PCDHGB4: variants seen among roughly 807,000 people sequenced by gnomAD.
The protein encoded by PCDHGB4 is protocadherin gamma subfamily B, 4.
In PCDHGB4, 38 loss-of-function variants were observed where a neutral mutation model predicts 60.5. The ratio of observed to expected loss-of-function variants is 0.63; its 90% CI spans 0.48 to 0.82. PCDHGB4 has a LOEUF of 0.82. Among genes scored for constraint, PCDHGB4 ranks in the 40% least tolerant of loss-of-function variants. The pLI is 0.00. For missense variants in PCDHGB4, 1,109 were observed against 1,209.6 expected, an observed-to-expected ratio of 0.92 and a Z score of 1.23; for synonymous variants, 456 against 509.7, an observed-to-expected ratio of 0.89 and a Z score of 1.42.
In PCDHGB4 at chr5:141,477,772, C is replaced by G. The variant is rs760319541; in HGVS notation, c.2398-17035C>G. The G allele has an allele frequency of 1.5e-5, 25 of 1,613,908 alleles. No homozygotes were observed. Among genetic ancestry groups the G allele is most frequent in the Non-Finnish European group, 2.1e-5 (25 of 1,180,042 alleles). On this transcript the variant is annotated intron_variant, in intron 1 of 3. Coordinates refer to ENST00000519479, the MANE Select transcript of PCDHGB4 (RefSeq NM_003736.4). This position sits in a 1 kb window ranked among gnomAD's most constrained non-coding sequence, Gnocchi z 4.9. Reference sequence around the variant, plus strand: ...CCCCGGTCCTAGCCACCAACATCAGCGTGAACATATTTGTCACTGATCGCA... The same window carrying G: ...CCCCGGTCCTAGCCACCAACATCAGGGTGAACATATTTGTCACTGATCGCA...
At chr5:141,404,776 A>C in intron 1 of PCDHGB4, 1 of 1,613,070 alleles carries the variant, frequency 6.2e-7, no homozygotes, top group Non-Finnish European at 8.5e-7. Context: ...CCTACCGCCT[A>C]TTCAAGGCCA....
intron 1 of PCDHGB4, among the ~76,000 whole-genome samples, chr5:141,473,873 C>CA (rs1471085914): frequency 2.6e-5 from 4 of 152,130 alleles, no homozygotes; most frequent in African/African-American, 7.2e-5. Flanking sequence ...GTGGAGAATG[C>CA]ATACACAAGG....
rs747671382 is a variant in PCDHGB4 at position 141,444,152 on chromosome 5, A to ATTTTTT, written c.2398-50624_2398-50619dup. ...GATATGTGTCACTTGTGTGTACTGG[A>ATTTTTT]TTTTTTTTTTTTTTTTTTTTTTTTT... On this transcript the variant is annotated intron_variant, in intron 1 of 3. Coordinates refer to ENST00000519479, the MANE Select transcript of PCDHGB4 (RefSeq NM_003736.4). Among the ~76,000 whole-genome samples the ATTTTTT allele has an allele frequency of 3.5e-4, 12 of 33,898 alleles. 1 individual carries two copies. Among genetic ancestry groups the ATTTTTT allele is most frequent in the African/African-American group, 4.2e-4 (3 of 7,184 alleles). The allele number at this position is 33,898 out of a possible 152,430, so 22.2% of individuals were successfully genotyped here.
intron 1 of PCDHGB4, among the ~76,000 whole-genome samples, chr5:141,466,826 G>A (rs978548667): frequency 1.2e-4 from 18 of 152,056 alleles, no homozygotes; most frequent in Admixed American, 8.5e-4. Flanking sequence ...TAACAAGTTA[G>A]TATGGGTTTA....
chr5:141,486,166 G>A lies in PCDHGB4; in HGVS notation c.2398-8641G>A. ...GCGATGGGGGTTCTCCAGCCATGGA[G>A]CAACATTGCAGCCTTCGAGTGGATC... On this transcript the variant is annotated intron_variant, in intron 1 of 3. Coordinates refer to ENST00000519479, the MANE Select transcript of PCDHGB4 (RefSeq NM_003736.4). The surrounding 1 kb of genome is among the most constrained non-coding windows in gnomAD (Gnocchi z 5.0). The A allele has an allele frequency of 2.5e-6, 4 of 1,614,224 alleles. No individual in the cohort carries two copies. The highest frequency in any genetic ancestry group is 3.4e-6 in the Non-Finnish European group (4 of 1,180,040).
rs778172652 is a variant in PCDHGB4, at chr5:141,418,978, C to G, written c.2397+28697C>G. 4 of 1,613,790 alleles carry G rather than the reference C, an allele frequency of 2.5e-6. No individual in the cohort carries two copies. In the South Asian group the frequency reaches 4.4e-5, roughly 18 times the overall value. ...TTGTTGCCCTCTTCAAAACACGGGACCAAGACTCAGGGGAAAATGGGGAAG... is the reference window on the plus strand; with the variant it reads ...TTGTTGCCCTCTTCAAAACACGGGAGCAAGACTCAGGGGAAAATGGGGAAG... On this transcript the variant is annotated intron_variant, in intron 1 of 3. Coordinates refer to ENST00000519479, the MANE Select transcript of PCDHGB4 (RefSeq NM_003736.4).
intron 1 of PCDHGB4, chr5:141,409,744 G>A (rs1255485257): frequency 6.2e-7 from 1 of 1,612,978 alleles, no homozygotes; most frequent in Non-Finnish European, 8.5e-7. Flanking sequence ...GCGGGGTGGT[G>A]TTCGCGCAGC....
chr5:141,463,965 C>T (rs1207852177), intron 1 of PCDHGB4, among the ~76,000 whole-genome samples: 1 of 151,648 alleles, frequency 6.6e-6, no homozygotes, highest in African/African-American at 2.4e-5. Context: ...AAAATAGCTT[C>T]ATAAAACTCC....
chr5:141,387,998 C>A lies in PCDHGB4; in HGVS notation c.114C>A (p.Pro38=). 6.7e-7 allele frequency: 1 copy of A among 1,485,206 alleles called. No individual in the cohort carries two copies. Among genetic ancestry groups the A allele is most frequent in the South Asian group, 1.3e-5 (1 of 79,562 alleles). The allele number at this position is 1,485,206 out of a possible 1,614,324, so 92.0% of individuals were successfully genotyped here. A position where few individuals can be genotyped will look rare whatever the true frequency, so the allele number is the denominator to read the frequency against. ...GTGAGCAGATCCGCTACAGGATTCC[C>A]GAGGAAATGCCCAAGGGCTCCGTAG... ...ALCEQIRYRI[P]EEMPKGSVVG... Residue 38 remains proline, a synonymous_variant, in exon 1 of 4, where the codon CCC becomes CCA. Coordinates refer to ENST00000519479, the MANE Select transcript of PCDHGB4 (RefSeq NM_003736.4).
rs2099692694 is a variant in PCDHGB4, at chr5:141,489,817, GAGCTGGTGCTAGAGCAGC to G, written c.2398-4983_2398-4966del. On this transcript the variant is annotated intron_variant, in intron 1 of 3. Transcript: ENST00000519479. This position sits in a 1 kb window ranked among gnomAD's most constrained non-coding sequence, Gnocchi z 4.5. ...CCTAAAAGATGGGAAGCCATTCCCA[GAGCTGGTGCTAGAGCAGC>G]AGCTGGATCGTGAAGCCCAGGCAAG... 6 of 1,613,992 alleles carry G rather than the reference GAGCTGGTGCTAGAGCAGC, an allele frequency of 3.7e-6. No individual in the cohort carries two copies. Among genetic ancestry groups the G allele is most frequent in the Non-Finnish European group, 5.1e-6 (6 of 1,179,944 alleles).
rs143767010 is a variant in PCDHGB4 at position 141,460,190 on chromosome 5, A to G, written c.2398-34617A>G. 3.2e-3 allele frequency among the ~76,000 whole-genome samples: 486 copies of G among 152,218 alleles called. 1 individual carries two copies. Among genetic ancestry groups the G allele is most frequent in the Non-Finnish European group, 4.9e-3 (336 of 68,006 alleles). ...TTTTGTGGATATTTTATCCCAGACTATGACTTGTCTTTTCATTTTCTTAGT... is the reference window on the plus strand; with the variant it reads ...TTTTGTGGATATTTTATCCCAGACTGTGACTTGTCTTTTCATTTTCTTAGT... On this transcript the variant is annotated intron_variant, in intron 1 of 3. Coordinates refer to ENST00000519479, the MANE Select transcript of PCDHGB4 (RefSeq NM_003736.4).
intron 1 of PCDHGB4, among the ~76,000 whole-genome samples, chr5:141,454,252 A>T (rs1288181537): frequency 6.6e-6 from 1 of 152,214 alleles, no homozygotes; most frequent in Non-Finnish European, 1.5e-5. Context: ...AAGATGTCCC[A>T]GAGAAAGTAA....
intron 1 of PCDHGB4, among the ~76,000 whole-genome samples, chr5:141,462,430 T>C (rs1471523013): frequency 2.0e-5 from 3 of 152,230 alleles, no homozygotes; most frequent in African/African-American, 4.8e-5. Flanking sequence ...TTGGTGAGTG[T>C]TGCTTACACA....
At position 141,485,291 on chromosome 5, in the gene PCDHGB4, C is replaced by A. The variant is rs114678203; in HGVS notation, c.2398-9516C>A. 436 of 1,614,150 alleles carry A rather than the reference C, an allele frequency of 2.7e-4. No homozygotes were observed. Among genetic ancestry groups the A allele is most frequent in the Middle Eastern group, 8.2e-4 (5 of 6,062 alleles). Reference sequence around the variant, plus strand: ...CCGCTACCCGGTCCCAGAGGAGTCACAGGAAGGGACTTTTGTAGGGAATGT... The same window carrying A: ...CCGCTACCCGGTCCCAGAGGAGTCAAAGGAAGGGACTTTTGTAGGGAATGT... On this transcript the variant is annotated intron_variant, in intron 1 of 3. Coordinates refer to ENST00000519479, the MANE Select transcript of PCDHGB4 (RefSeq NM_003736.4). The surrounding 1 kb of genome is among the most constrained non-coding windows in gnomAD (Gnocchi z 5.7).
intron 1 of PCDHGB4, among the ~76,000 whole-genome samples, chr5:141,488,969 CCAAT>C (rs1303368467): frequency 4.6e-5 from 7 of 152,106 alleles, no homozygotes; most frequent in Non-Finnish European, 7.4e-5. Context: ...GACTTTTTGG[CCAAT>C]CAGACTCAGA....
chr5:141,454,892 C>T (rs1389056318), intron 1 of PCDHGB4, among the ~76,000 whole-genome samples: 4 of 146,994 alleles, frequency 2.7e-5, no homozygotes, highest in Non-Finnish European at 5.9e-5. Context: ...ACTGCTAGCA[C>T]CGCCTCCCGG....
intron 1 of PCDHGB4, chr5:141,441,621 G>T: frequency 4.5e-6 from 1 of 223,408 alleles, no homozygotes; most frequent in South Asian, 5.2e-5. Context: ...CGTGGCCAGT[G>T]ACCTGGAGCC....
chr5:141,487,802 C>T lies in PCDHGB4; in HGVS notation c.2398-7005C>T, dbSNP rs765438219. The T allele has an allele frequency of 9.5e-6, 14 of 1,477,306 alleles. No individual in the cohort carries two copies. The South Asian group carries it at 1.7e-4, about 18-fold the overall frequency. 91.5% of individuals were successfully genotyped at this position (1,477,306 alleles called of 1,614,324 possible). A position where few individuals can be genotyped will look rare whatever the true frequency, so the allele number is the denominator to read the frequency against. ...TTTCGTGAATTAACCAGAGTTGTCACAGTTTAGCATTGGGGGCGGGTCATG... is the reference window on the plus strand; with the variant it reads ...TTTCGTGAATTAACCAGAGTTGTCATAGTTTAGCATTGGGGGCGGGTCATG... On this transcript the variant is annotated intron_variant, in intron 1 of 3. Transcript: ENST00000519479. The surrounding 1 kb of genome is among the most constrained non-coding windows in gnomAD (Gnocchi z 5.0).
At chr5:141,466,965 C>A (rs1345790988) in intron 1 of PCDHGB4, among the ~76,000 whole-genome samples, 1 of 152,016 alleles carries the variant, frequency 6.6e-6, no homozygotes, top group East Asian at 1.9e-4. Context: ...CAAATATTTT[C>A]TCACAGCTCA....
Sources: gnomAD v4.1 joint callset for allele counts (sites outside exome capture counted in the v4.1 genomes callset) on GRCh38, gnomAD v4.1.1 for gene constraint, Gnocchi (gnomAD v3.1) non-coding constraint, MANE v1.5 for transcripts, NCBI Gene and HGNC (gene_info 2026-07-23, HGNC 2026-07-21) for gene names.